CALN1: variants seen among roughly 807,000 people sequenced by gnomAD.
CALN1 encodes the protein calneuron 1.
In CALN1, 17 loss-of-function variants were observed where a neutral mutation model predicts 30.6. That is an observed-to-expected ratio of 0.56 (90% CI 0.38 to 0.83). The LOEUF is 0.83. Ranked by LOEUF, CALN1 falls within the 40% of genes least tolerant of loss-of-function variation. The probability of loss-of-function intolerance (pLI) is 0.00; values close to 1 mark genes in which losing one functional copy is unlikely to be tolerated. For synonymous variants in CALN1, 156 were observed against 131.4 expected, an observed-to-expected ratio of 1.19 and a Z score of -1.28; for missense variants, 291 against 354.9, an observed-to-expected ratio of 0.82 and a Z score of 1.45.
chr7:72,055,275 C>G (rs1227627237), intron 4 of CALN1, among the ~76,000 whole-genome samples: 1 of 152,110 alleles, frequency 6.6e-6, no homozygotes, highest in Non-Finnish European at 1.5e-5. Context: ...ATTTGGCAGT[C>G]TAACTCCAGA....
chr7:71,818,983 C>T (rs1331979700), intron 5 of CALN1, among the ~76,000 whole-genome samples: 3 of 151,798 alleles, frequency 2.0e-5, no homozygotes, highest in Non-Finnish European at 4.4e-5. Flanking sequence ...GCTGGGATTA[C>T]AGGCGTGAGC....
intron 2 of CALN1, among the ~76,000 whole-genome samples, chr7:72,343,398 A>C (rs905561475): frequency 6.6e-6 from 1 of 152,138 alleles, no homozygotes; most frequent in Admixed American, 6.5e-5. Flanking sequence ...AATACAAAAA[A>C]TTAGCCAGGC....
At chr7:71,927,348 C>T (rs1795320942) in intron 5 of CALN1, among the ~76,000 whole-genome samples, 1 of 152,036 alleles carries the variant, frequency 6.6e-6, no homozygotes. Context: ...TAGCTGAGAC[C>T]ACAGGCGTGC....
At chr7:72,443,930 G>A (rs1365115518) in intron 1 of CALN1, among the ~76,000 whole-genome samples, 2 of 136,724 alleles carry the variant, frequency 1.5e-5, no homozygotes, top group African/African-American at 2.7e-5. Flanking sequence ...TGCAAACTCC[G>A]GGAGGTGGAG....
chr7:72,261,073 C>T (rs889248873), intron 3 of CALN1, among the ~76,000 whole-genome samples: 3 of 152,168 alleles, frequency 2.0e-5, no homozygotes, highest in Admixed American at 2.0e-4. Context: ...TTTGAGAGGC[C>T]GAGGAGGGTA....
intron 2 of CALN1, among the ~76,000 whole-genome samples, chr7:72,343,056 G>C (rs1215342530): frequency 1.3e-5 from 2 of 152,162 alleles, no homozygotes; most frequent in Non-Finnish European, 2.9e-5. Flanking sequence ...GAAGGAGAGT[G>C]CTGCTGTAAC....
chr7:71,925,528 G>A (rs1276060931), intron 5 of CALN1, among the ~76,000 whole-genome samples: 2 of 149,706 alleles, frequency 1.3e-5, no homozygotes, highest in Non-Finnish European at 3.0e-5. Context: ...GGTCTGGAAA[G>A]TCATTATTTG....
chr7:72,112,331 CCTAT>C (rs760293459), intron 3 of CALN1, among the ~76,000 whole-genome samples: 2 of 152,166 alleles, frequency 1.3e-5, no homozygotes, highest in East Asian at 3.8e-4. Flanking sequence ...AACAATTTCT[CCTAT>C]CTCAGTATGT....
At chr7:72,498,309 A>C in the CALN1 span, among the ~76,000 whole-genome samples, 9 of 152,100 alleles carry the variant, frequency 5.9e-5, no homozygotes, top group Non-Finnish European at 1.3e-4. Flanking sequence ...GGTTATAAAC[A>C]TCAAATCCTA....
intron 5 of CALN1, among the ~76,000 whole-genome samples, chr7:71,895,939 T>C (rs1334051206): frequency 6.6e-6 from 1 of 152,186 alleles, no homozygotes; most frequent in African/African-American, 2.4e-5. Flanking sequence ...CAAATGTCAA[T>C]TGTTAATAAA....
chr7:72,327,668 G>A (rs2129557794), intron 2 of CALN1, among the ~76,000 whole-genome samples: 1 of 152,234 alleles, frequency 6.6e-6, no homozygotes, highest in African/African-American at 2.4e-5. Context: ...ATTTGTAATC[G>A]TGATACAAAC....
intron 5 of CALN1, among the ~76,000 whole-genome samples, chr7:71,978,264 T>C (rs111679837): frequency 2.6e-5 from 2 of 77,320 alleles, no homozygotes; most frequent in South Asian, 8.3e-4. Context: ...AGAGAATTCT[T>C]TTTTTTTTTT....
At chr7:72,468,167 G>A in the CALN1 span, among the ~76,000 whole-genome samples, 1 of 152,152 alleles carries the variant, frequency 6.6e-6, no homozygotes. Flanking sequence ...TTTGGGTTAC[G>A]TCTACCTTTT....
At chr7:72,016,771 G>A (rs888461908) in intron 5 of CALN1, among the ~76,000 whole-genome samples, 2 of 151,534 alleles carry the variant, frequency 1.3e-5, no homozygotes, top group Non-Finnish European at 2.9e-5. Context: ...ATCACGGTGG[G>A]ACCAGCTTAT....
At chr7:72,012,758 A>G (rs1183539425) in intron 5 of CALN1, among the ~76,000 whole-genome samples, 7 of 152,058 alleles carry the variant, frequency 4.6e-5, no homozygotes, top group Non-Finnish European at 1.0e-4. Context: ...TCCTCCTGGC[A>G]GCTGGCAGCT....
chr7:72,038,628 T>C (rs939282450), intron 4 of CALN1, among the ~76,000 whole-genome samples: 15 of 152,130 alleles, frequency 9.9e-5, no homozygotes, highest in Middle Eastern at 3.4e-3. Flanking sequence ...CAGGATGAAA[T>C]AGGAGGTCGG....
intron 3 of CALN1, among the ~76,000 whole-genome samples, chr7:72,158,011 C>CTTACAGG (rs1787831468): frequency 6.6e-6 from 1 of 152,174 alleles, no homozygotes; most frequent in Admixed American, 6.6e-5. Flanking sequence ...TCCCAAAGTG[C>CTTACAGG]TGTGATTACA....
intron 4 of CALN1, among the ~76,000 whole-genome samples, chr7:72,026,650 A>C (rs1801078714): frequency 6.6e-6 from 1 of 151,974 alleles, no homozygotes; most frequent in African/African-American, 2.4e-5. Context: ...TCCTGGGCTC[A>C]AGTGATCCTC....
upstream of CALN1, among the ~76,000 whole-genome samples, chr7:72,414,786 C>T (rs1429496207): frequency 6.6e-6 from 1 of 152,198 alleles, no homozygotes; most frequent in Non-Finnish European, 1.5e-5. Flanking sequence ...TGGCCCAAGA[C>T]TCCACTGGTC....
Sources: gnomAD v4.1 joint callset for allele counts (sites outside exome capture counted in the v4.1 genomes callset) on GRCh38, gnomAD v4.1.1 for gene constraint, MANE v1.5 for transcripts, NCBI Gene and HGNC (gene_info 2026-07-23, HGNC 2026-07-21) for gene names.